DIP2C: variants seen among roughly 807,000 people sequenced by gnomAD.
The protein encoded by DIP2C is DIP2 acetate--CoA ligase C (putative).
In DIP2C, 33 loss-of-function variants were observed where a neutral mutation model predicts 192.4. That is an observed-to-expected ratio of 0.17 (90% confidence interval 0.13 to 0.23). The LOEUF (loss-of-function observed/expected upper bound fraction) is 0.23. Ranked by LOEUF, DIP2C falls within the 10% of genes least tolerant of loss-of-function variation. The pLI is 1.00. For synonymous variants in DIP2C, 979 were observed against 864.1 expected (o/e 1.13, Z -2.33); for missense variants, 1,537 against 2,110.1 (o/e 0.73, Z 5.32).
chr10:547,832 G>A (rs535880634), intron 1 of DIP2C, among the ~76,000 whole-genome samples: 2 of 152,034 alleles, frequency 1.3e-5, no homozygotes, highest in Non-Finnish European at 1.5e-5. Context: ...CTGTTCCATC[G>A]CACCCCTGCC....
intron 17 of DIP2C, among the ~76,000 whole-genome samples, chr10:378,269 C>T (rs1961874859): frequency 6.6e-6 from 1 of 152,216 alleles, no homozygotes; most frequent in African/African-American, 2.4e-5. Flanking sequence ...CGTAGCAAGA[C>T]TGAGCAGACT....
intron 1 of DIP2C, among the ~76,000 whole-genome samples, chr10:558,970 C>T (rs1232643214): frequency 1.3e-5 from 2 of 151,882 alleles, no homozygotes; most frequent in Non-Finnish European, 2.9e-5. Context: ...GGCAGACCAC[C>T]CCACCCCCTC....
At chr10:560,661 A>G (rs1437464969) in intron 1 of DIP2C, among the ~76,000 whole-genome samples, 1 of 152,196 alleles carries the variant, frequency 6.6e-6, no homozygotes, top group African/African-American at 2.4e-5. Flanking sequence ...TAATTACCAC[A>G]CGGGCTATCA....
chr10:373,464 G>A (rs1275011966), intron 17 of DIP2C, among the ~76,000 whole-genome samples: 1 of 152,220 alleles, frequency 6.6e-6, no homozygotes. Flanking sequence ...CTTATTCTAT[G>A]TTGGCAGAAA....
chr10:657,097 C>T (rs1296567889), intron 1 of DIP2C, among the ~76,000 whole-genome samples: 2 of 152,008 alleles, frequency 1.3e-5, no homozygotes, highest in African/African-American at 4.8e-5. Flanking sequence ...GGACTTGACA[C>T]TGGACCTGCC....
intron 3 of DIP2C, among the ~76,000 whole-genome samples, chr10:462,199 C>G (rs912491558): frequency 1.3e-5 from 2 of 151,658 alleles, no homozygotes; most frequent in Non-Finnish European, 2.9e-5. Context: ...ATGAAGGAGA[C>G]AGAGACACGA....
At chr10:317,324 G>A (rs949691132) in intron 31 of DIP2C, among the ~76,000 whole-genome samples, 6 of 152,208 alleles carry the variant, frequency 3.9e-5, no homozygotes, top group East Asian at 1.9e-4. Flanking sequence ...ACTGAAGCAC[G>A]GCAATGCCTG....
intron 1 of DIP2C, among the ~76,000 whole-genome samples, chr10:596,151 C>T (rs898264521): frequency 6.6e-6 from 1 of 152,132 alleles, no homozygotes; most frequent in African/African-American, 2.4e-5. Flanking sequence ...TGAAAGGTCA[C>T]AGATAACGTT....
intron 29 of DIP2C, among the ~76,000 whole-genome samples, chr10:332,582 C>G (rs1048686623): frequency 6.6e-6 from 1 of 152,156 alleles, no homozygotes; most frequent in Non-Finnish European, 1.5e-5. Context: ...ACAAGACAAA[C>G]CTACTTAAGA....
chr10:390,967 C>A, intron 10 of DIP2C, 104 bp from the exon 11 acceptor site: 1 of 1,501,884 alleles, frequency 6.7e-7, no homozygotes, highest in Non-Finnish European at 8.9e-7. Flanking sequence ...GTCTGCAGAA[C>A]CAGGATCCAA....
chr10:525,719 CG>C (rs1367885964), intron 1 of DIP2C, among the ~76,000 whole-genome samples: 3 of 152,174 alleles, frequency 2.0e-5, no homozygotes, highest in Admixed American at 6.5e-5. Context: ...AGGCCAGCCC[CG>C]TACACCCATC....
intron 2 of DIP2C, among the ~76,000 whole-genome samples, chr10:481,610 T>C (rs182586030): frequency 5.1e-4 from 78 of 152,342 alleles, no homozygotes; most frequent in African/African-American, 1.8e-3. Flanking sequence ...CCTTACATGT[T>C]ACCATCTGCC....
At chr10:354,683 C>T (rs116551363) in intron 24 of DIP2C, among the ~76,000 whole-genome samples, 59 of 152,200 alleles carry the variant, frequency 3.9e-4, no homozygotes, top group African/African-American at 1.4e-3. Flanking sequence ...TGACTGCTTG[C>T]AGCTTGCGGA....
chr10:551,548 A>T (rs1848588644), intron 1 of DIP2C, among the ~76,000 whole-genome samples: 1 of 152,176 alleles, frequency 6.6e-6, no homozygotes, highest in South Asian at 2.1e-4. Context: ...ACAAACCCAC[A>T]AGTGCCTTCC....
chr10:307,277 G>A (rs181957333), intron 32 of DIP2C, among the ~76,000 whole-genome samples: 14 of 152,336 alleles, frequency 9.2e-5, no homozygotes, highest in Admixed American at 2.0e-4. Context: ...GTTACAGAGT[G>A]TAATACCTCG....
At chr10:375,410 A>G (rs1961446042) in intron 17 of DIP2C, among the ~76,000 whole-genome samples, 1 of 152,236 alleles carries the variant, frequency 6.6e-6, no homozygotes, top group African/African-American at 2.4e-5. Flanking sequence ...CAGCCTACAG[A>G]ACTGTGAGCC....
intron 22 of DIP2C, among the ~76,000 whole-genome samples, chr10:359,492 T>A (rs960000528): frequency 1.3e-5 from 2 of 152,234 alleles, no homozygotes; most frequent in African/African-American, 4.8e-5. Flanking sequence ...AGATGCCTCC[T>A]ACACTCGGCA....
rs138886685 is a variant in DIP2C at position 640,255 on chromosome 10, C to T, written c.85+49239G>A. ...GACACACAGACAGGCACGGCCGCCC[C>T]GCCCACGGCCACCAAGGGCTTTGCT... is the stretch of plus-strand genomic sequence containing the variant. On this transcript the variant is annotated intron_variant, in intron 1 of 36. Coordinates refer to ENST00000280886, the MANE Select transcript of DIP2C (RefSeq NM_014974.3). Among the ~76,000 whole-genome samples, 242 of 152,390 alleles carry T rather than the reference C, an allele frequency of 1.6e-3. 5 individuals carry two copies. In the East Asian group the frequency reaches 0.036, roughly 23 times the overall value.
chr10:557,711 G>GC (rs1848961289), intron 1 of DIP2C, among the ~76,000 whole-genome samples: 2 of 47,120 alleles, frequency 4.2e-5, no homozygotes, highest in African/African-American at 1.3e-4. Context: ...CGGGGGAGGG[G>GC]ATGGGCAGGG....
Sources: allele counts gnomAD v4.1 joint callset (sites outside exome capture counted in the v4.1 genomes callset), GRCh38; gene constraint gnomAD v4.1.1; transcripts MANE v1.5; gene names NCBI Gene and HGNC (gene_info 2026-07-23, HGNC 2026-07-21).